DHX34: variants seen among roughly 807,000 people sequenced by gnomAD.
DHX34 encodes the protein DExH-box helicase 34.
DHX34 carries 96 observed loss-of-function variants against 111.1 expected under a neutral mutation model. The ratio of observed to expected loss-of-function variants is 0.86; its 90% CI spans 0.73 to 1.02. The LOEUF (loss-of-function observed/expected upper bound fraction) is 1.02. Ranked by LOEUF, DHX34 falls within the 50% of genes least tolerant of loss-of-function variation. The probability of loss-of-function intolerance (pLI) is 0.00; values close to 1 mark genes in which losing one functional copy is unlikely to be tolerated. For synonymous variants in DHX34, 688 were observed against 670.4 expected (o/e 1.03, Z -0.41); for missense variants, 1,560 against 1,579.9 (o/e 0.99, Z 0.21).
At position 47,353,621 on chromosome 19, in the gene DHX34, G is replaced by A; in HGVS notation, c.591G>A (p.Gln197=). Residue 197 remains glutamine, a synonymous_variant, in exon 2 of 17, where the codon CAG becomes CAA. Coordinates refer to ENST00000328771, the MANE Select transcript of DHX34 (RefSeq NM_014681.6). This position sits in a 1 kb window ranked among gnomAD's most constrained non-coding sequence, Gnocchi z 4.6. ...GTGGCAAGTCCACTCAGGTGCCCCAGTACCTGCTGGCTGCTGGCTTCAGTC... is the reference window on the plus strand; with the variant it reads ...GTGGCAAGTCCACTCAGGTGCCCCAATACCTGCTGGCTGCTGGCTTCAGTC... ...TGCGKSTQVP[Q]YLLAAGFSHV... 1 of 1,613,282 alleles carries A rather than the reference G, an allele frequency of 6.2e-7. No individual in the cohort carries two copies. The highest frequency in any genetic ancestry group is 8.5e-7 in the Non-Finnish European group (1 of 1,179,980).
In DHX34 at chr19:47,362,557, A is replaced by G; in HGVS notation, c.1457A>G (p.Glu486Gly). 6.2e-7 allele frequency: 1 copy of G among 1,613,334 alleles called. No individual in the cohort carries two copies. The highest frequency in any genetic ancestry group is 8.5e-7 in the Non-Finnish European group (1 of 1,179,772). The change falls in exon 6 of 17, where the codon GAG becomes GGG. Residue 486 changes from glutamate to glycine, a missense_variant. Transcript: ENST00000328771. The stretch of plus-strand genomic sequence containing the variant: ...TTCTGGATTAGTCAGGCCAGCGCAG[A>G]GCAGCGGAAGGGCCGGGCGGGCCGC... ...QEFWISQASA[E>G]QRKGRAGRTG...
chr19:47,358,167 C>T (rs548681850), intron 4 of DHX34, 47 bp downstream of exon 4: 119 of 1,579,160 alleles, frequency 7.5e-5, no homozygotes, highest in Non-Finnish European at 1.0e-4. Flanking sequence ...CTGCATGAGT[C>T]AGGGGTGGCT....
chr19:47,362,597 C>A lies in DHX34; in HGVS notation c.1497C>A (p.Val499=), dbSNP rs774034053. The A allele has an allele frequency of 1.2e-6, 2 of 1,613,800 alleles. No individual in the cohort carries two copies. Among genetic ancestry groups the A allele is most frequent in the African/African-American group, 2.7e-5 (2 of 74,926 alleles). ...KGRAGRTGPG[V]CFRLYAESDY... Reference sequence around the variant, plus strand: ...GGGCGGGCCGCACGGGCCCCGGAGTCTGCTTCCGCCTCTATGCCGAATCGG... The same window carrying A: ...GGGCGGGCCGCACGGGCCCCGGAGTATGCTTCCGCCTCTATGCCGAATCGG... The change falls in exon 6 of 17, where the codon GTC becomes GTA. Residue 499 remains valine (V), a synonymous_variant. Transcript: ENST00000328771.
At chr19:47,372,053 C>T (rs1352457021) in intron 7 of DHX34, among the ~76,000 whole-genome samples, 1 of 150,866 alleles carries the variant, frequency 6.6e-6, no homozygotes. Context: ...TCACCTGTCT[C>T]CAGGTGAGAC....
chr19:47,377,611 G>C (rs1033087227), intron 13 of DHX34, among the ~76,000 whole-genome samples: 1 of 139,292 alleles, frequency 7.2e-6, no homozygotes, highest in Non-Finnish European at 1.5e-5. Flanking sequence ...AAAGAGGAGA[G>C]CGTGTGGATC....
chr19:47,361,280 A>G (rs1328207381), intron 5 of DHX34, among the ~76,000 whole-genome samples: 1 of 151,788 alleles, frequency 6.6e-6, no homozygotes, highest in Admixed American at 6.6e-5. Context: ...CAACATGGTG[A>G]AACTCCGCCC....
rs768893662 is a variant in DHX34, at chr19:47,358,085, C to G, written c.1237C>G (p.Leu413Val). 2 of 1,610,908 alleles carry G rather than the reference C, an allele frequency of 1.2e-6. No individual in the cohort carries two copies. Among genetic ancestry groups the G allele is most frequent in the Non-Finnish European group, 8.5e-7 (1 of 1,177,918 alleles). ...CACCCAGCGCTGGGTGGTACTGCCA[C>G]TGCACAGCGCCCTGTCTGTGGCCGA... ...SHTQRWVVLP[L>V]HSALSVADQD... Residue 413 changes from leucine to valine, a missense_variant, in exon 4 of 17, where the codon CTG (leucine) becomes GTG (valine). Transcript: ENST00000328771.
chr19:47,355,213 G>A lies in DHX34; in HGVS notation c.880G>A (p.Val294Ile), dbSNP rs141590528. The change falls in exon 3 of 17, where the codon GTC (valine) becomes ATC (isoleucine). Residue 294 changes from valine (V) to isoleucine (I), a missense_variant. Physicochemically the swap from Val to Ile is conservative, Grantham distance 29. Coordinates refer to ENST00000328771, the MANE Select transcript of DHX34 (RefSeq NM_014681.6). Reference sequence around the variant, plus strand: ...TCTCCACAACGATTTCCTCCTGGGCGTCCTCCAGCGCCTGTTGCCCACGCG... The same window carrying A: ...TCTCCACAACGATTTCCTCCTGGGCATCCTCCAGCGCCTGTTGCCCACGCG... The part of the protein sequence containing the change: ...RHLHNDFLLG[V>I]LQRLLPTRPD... 2.6e-5 allele frequency: 42 copies of A among 1,614,180 alleles called. 1 individual carries two copies. In the African/African-American group the frequency reaches 3.7e-4, roughly 14 times the overall value.
Position 47,353,708 on chromosome 19 carries a change from T to G in DHX34, c.678T>G (p.Phe226Leu). ...TCTCACTGGCCAAGCGTGTGGGCTT[T>G]GAGAGCCTCAGTCAGTATGGCTCAC... ...ACISLAKRVGFESLSQYGSQV... is the reference protein window; with the variant it reads ...ACISLAKRVGLESLSQYGSQV... The change falls in exon 2 of 17, where the codon TTT becomes TTG. Residue 226 changes from phenylalanine (F) to leucine (L), a missense_variant. Coordinates refer to ENST00000328771, the MANE Select transcript of DHX34 (RefSeq NM_014681.6). The surrounding 1 kb of genome is among the most constrained non-coding windows in gnomAD (Gnocchi z 4.6). 5.0e-6 allele frequency: 8 copies of G among 1,604,504 alleles called. No individual in the cohort carries two copies. The highest frequency in any genetic ancestry group is 1.7e-4 in the Middle Eastern group (1 of 5,778).
At chr19:47,361,238 A>G (rs1161191817) in intron 5 of DHX34, among the ~76,000 whole-genome samples, 3 of 151,834 alleles carry the variant, frequency 2.0e-5, no homozygotes, top group Non-Finnish European at 2.9e-5. Flanking sequence ...CAGGCAGGTC[A>G]CTTGAAGTTA....
chr19:47,360,177 C>G, intron 5 of DHX34, 107 bp downstream of exon 5: 1 of 1,029,698 alleles, frequency 9.7e-7, no homozygotes, highest in Non-Finnish European at 1.5e-6. Flanking sequence ...TTGGGAAGTA[C>G]AGTTGACTTT....
intron 12 of DHX34, chr19:47,376,883 A>C: frequency 6.5e-7 from 1 of 1,533,616 alleles, no homozygotes; most frequent in South Asian, 1.2e-5. Flanking sequence ...CCCCCCTGGC[A>C]CCCGTGTGCA....
intron 5 of DHX34, among the ~76,000 whole-genome samples, chr19:47,360,500 T>G (rs1189690929): frequency 6.6e-6 from 1 of 152,160 alleles, no homozygotes; most frequent in Non-Finnish European, 1.5e-5. Context: ...CTGTTCTCTC[T>G]GCCGAGAGCT....
chr19:47,372,285 G>A (rs1038662937), intron 7 of DHX34, among the ~76,000 whole-genome samples: 3 of 152,002 alleles, frequency 2.0e-5, no homozygotes, highest in African/African-American at 7.2e-5. Context: ...CCTGTGCCAG[G>A]GCAGAGCTAG....
intron 1 of DHX34, among the ~76,000 whole-genome samples, chr19:47,352,095 T>C (rs1169024730): frequency 6.6e-6 from 1 of 152,240 alleles, no homozygotes; most frequent in Non-Finnish European, 1.5e-5. Flanking sequence ...CTGCTGTTGG[T>C]TGGCCATGTG....
intron 5 of DHX34, 57 bp downstream of exon 5, chr19:47,360,127 C>T: frequency 6.4e-7 from 1 of 1,550,540 alleles, no homozygotes; most frequent in Non-Finnish European, 8.9e-7. Flanking sequence ...AGCATGGGGT[C>T]CGGAGGTGTG....
In DHX34 at chr19:47,377,048, A is replaced by ATGGGCCTGGG. The variant is rs1423697371; in HGVS notation, c.2600-45_2600-36dup. On this transcript the variant is annotated intron_variant, in intron 12 of 16. Coordinates refer to ENST00000328771, the MANE Select transcript of DHX34 (RefSeq NM_014681.6). ...ACCGGGTGGGACAGGCGGGCTTCTG[A>ATGGGCCTGGG]TGGGCCTGGGTGGGCCAGGGTGGGC... The ATGGGCCTGGG allele has an allele frequency of 4.8e-5, 77 of 1,611,448 alleles. No homozygotes were observed. The South Asian group carries it at 8.2e-4, about 17-fold the overall frequency.
intron 1 of DHX34, among the ~76,000 whole-genome samples, chr19:47,352,346 C>A (rs1969312415): frequency 6.6e-6 from 1 of 152,148 alleles, no homozygotes; most frequent in Admixed American, 6.5e-5. Context: ...CCTCCTTTTT[C>A]TAGTTCAGTG....
chr19:47,350,023 G>T (rs576252243), intron 1 of DHX34, among the ~76,000 whole-genome samples: 13 of 152,228 alleles, frequency 8.5e-5, no homozygotes, highest in South Asian at 6.2e-4. Context: ...TGATCATAGT[G>T]CCTGACAGTC....
Sources: gnomAD v4.1 joint callset for allele counts (sites outside exome capture counted in the v4.1 genomes callset) on GRCh38, gnomAD v4.1.1 for gene constraint, Gnocchi (gnomAD v3.1) non-coding constraint, MANE v1.5 for transcripts, NCBI Gene and HGNC (gene_info 2026-07-23, HGNC 2026-07-21) for gene names.